MYCBP2: variants seen among roughly 807,000 people sequenced by gnomAD.
The protein encoded by MYCBP2 is E3 ubiquitin-protein ligase MYCBP2.
A neutral mutation model predicts 525.3 loss-of-function variants in MYCBP2; 120 were observed. That is an observed-to-expected ratio of 0.23 (90% CI 0.20 to 0.27). MYCBP2 has a LOEUF of 0.27. MYCBP2 is among the 10% of genes least tolerant of loss of function. The pLI is 1.00. For synonymous variants in MYCBP2, 1,894 were observed against 1,955.8 expected (o/e 0.97, Z 0.83); for missense variants, 4,149 against 5,657.1 (o/e 0.73, Z 8.55).
chr13:77,072,536 A>G (rs550272613), intron 68 of MYCBP2, among the ~76,000 whole-genome samples: 1 of 152,272 alleles, frequency 6.6e-6, no homozygotes, highest in East Asian at 1.9e-4. Flanking sequence ...AGGCAAACAT[A>G]GGGAAAGAAA....
chr13:77,214,776 T>C (rs2064567970), intron 21 of MYCBP2, among the ~76,000 whole-genome samples: 1 of 152,196 alleles, frequency 6.6e-6, no homozygotes, highest in African/African-American at 2.4e-5. Flanking sequence ...GCTGGTGTAC[T>C]GAATACTGTA....
chr13:77,198,883 C>A (rs1718471036), intron 26 of MYCBP2, among the ~76,000 whole-genome samples: 1 of 152,190 alleles, frequency 6.6e-6, no homozygotes, highest in South Asian at 2.1e-4. Flanking sequence ...ACTGGTATTG[C>A]TAGGCCACCA....
At chr13:77,231,194 T>C (rs1167902248) in intron 18 of MYCBP2, among the ~76,000 whole-genome samples, 3 of 152,192 alleles carry the variant, frequency 2.0e-5, no homozygotes, top group South Asian at 4.1e-4. Context: ...TATTACAAAG[T>C]AGGTCCTTAC....
intron 2 of MYCBP2, among the ~76,000 whole-genome samples, chr13:77,294,131 C>CATATATATATATATATATATATATATAT: frequency 4.7e-4 from 31 of 65,700 alleles, no homozygotes; most frequent in Non-Finnish European, 8.1e-4. Flanking sequence ...TATATATATA[C>CATATATATATATATATATATATATATAT]ATATATATAT....
intron 79 of MYCBP2, among the ~76,000 whole-genome samples, chr13:77,056,102 GTGTGTGTGTGTGTGTGTGT>G (rs2037940806): frequency 3.7e-4 from 19 of 50,972 alleles, no homozygotes; most frequent in Non-Finnish European, 2.5e-4. Context: ...TGTGTTTGGT[GTGTGTGTGTGTGTGTGTGT>G]GTGTGTGTGT....
Position 77,326,311 on chromosome 13 carries a change from T to C in MYCBP2, c.302+163A>G, listed in dbSNP as rs1594941632. Among the ~76,000 whole-genome samples the C allele has an allele frequency of 6.7e-6, 1 of 148,152 alleles. No individual in the cohort carries two copies. Among genetic ancestry groups the C allele is most frequent in the South Asian group, 2.2e-4 (1 of 4,650 alleles). On this transcript the variant is annotated intron_variant, in intron 1 of 82. Coordinates refer to ENST00000544440, the MANE Select transcript of MYCBP2 (RefSeq NM_015057.5). The surrounding 1 kb of genome is among the most constrained non-coding windows in gnomAD (Gnocchi z 4.2). Reference sequence around the variant, plus strand: ...AGAAACTGCAGCCACCGCACCCTCCTATCTCGATAAGTGCTCCTGCCAACA... The same window carrying C: ...AGAAACTGCAGCCACCGCACCCTCCCATCTCGATAAGTGCTCCTGCCAACA...
In MYCBP2 at chr13:77,045,373, G is replaced by A. The variant is rs377274684; in HGVS notation, c.*5C>T. 79 of 1,603,970 alleles carry A rather than the reference G, an allele frequency of 4.9e-5. No individual in the cohort carries two copies. Among genetic ancestry groups the A allele is most frequent in the Non-Finnish European group, 6.2e-5 (73 of 1,172,080 alleles). On this transcript the variant is annotated 3_prime_UTR_variant, in exon 83 of 83. Coordinates refer to ENST00000544440, the MANE Select transcript of MYCBP2 (RefSeq NM_015057.5). ...TTCTCTCTGTAGACAAAGGATCTGC[G>A]TGTTCTAAAAAGTGTGGGCATTTCT...
chr13:77,156,220 CAAAT>C lies in MYCBP2; in HGVS notation c.6771-22_6771-19del, dbSNP rs1566739131. On this transcript the variant is annotated intron_variant, in intron 45 of 82. Coordinates refer to ENST00000544440, the MANE Select transcript of MYCBP2 (RefSeq NM_015057.5). Reference sequence around the variant, plus strand: ...GAAGCCACCTAACAGTAATGAAAAACAAATAAACAAAACCCCAAACACTGATCAG... The same window carrying C: ...GAAGCCACCTAACAGTAATGAAAAACAAACAAAACCCCAAACACTGATCAG... 2.5e-6 allele frequency: 4 copies of C among 1,604,188 alleles called. No homozygotes were observed. The Admixed American group carries it at 6.8e-5, about 27-fold the overall frequency.
intron 61 of MYCBP2, 80 bp from the exon 62 acceptor site, chr13:77,087,713 G>C (rs1190365161): frequency 8.5e-7 from 1 of 1,175,486 alleles, no homozygotes; most frequent in Non-Finnish European, 1.2e-6. Flanking sequence ...TACCTCCATG[G>C]ATTAAGACTT....
At chr13:77,199,161 T>A (rs1273794035) in intron 26 of MYCBP2, among the ~76,000 whole-genome samples, 2 of 152,106 alleles carry the variant, frequency 1.3e-5, no homozygotes, top group East Asian at 3.9e-4. Flanking sequence ...TGCCAGACAG[T>A]GGGAGCAGGA....
intron 55 of MYCBP2, chr13:77,118,257 T>C: frequency 1.6e-6 from 1 of 621,886 alleles, no homozygotes; most frequent in Non-Finnish European, 2.9e-6. Context: ...TCAGGTGAGT[T>C]GATAACTAAT....
At chr13:77,264,825 C>A (rs1465847380) in intron 8 of MYCBP2, among the ~76,000 whole-genome samples, 1 of 151,898 alleles carries the variant, frequency 6.6e-6, no homozygotes, top group African/African-American at 2.4e-5. Context: ...AGGATAAATT[C>A]TGTCCTTTTG....
chr13:77,261,973 T>G, intron 11 of MYCBP2, 80 bp downstream of exon 11: 11 of 1,100,800 alleles, frequency 1.0e-5, no homozygotes, highest in Non-Finnish European at 1.3e-5. Context: ...ACATGCAAAC[T>G]ATATAAACTA....
chr13:77,098,582 C>T lies in MYCBP2; in HGVS notation c.8572G>A (p.Val2858Ile), dbSNP rs759727612. The change falls in exon 56 of 83, where the codon GTT becomes ATT. Residue 2858 changes from valine to isoleucine, a missense_variant. Transcript: ENST00000544440. ...CGAGGAGGATCAAGCTTTGTCTTAA[C>T]AGGAGCAGTACTTTTTTGAGGTAGA... ...KNLPQKSTAP[V>I]KTKLDPPRER... The T allele has an allele frequency of 2.5e-6, 4 of 1,613,664 alleles. No individual in the cohort carries two copies. The highest frequency in any genetic ancestry group is 2.2e-5 in the South Asian group (2 of 91,066).
chr13:77,218,725 T>C (rs988474113), intron 20 of MYCBP2, among the ~76,000 whole-genome samples: 15 of 152,222 alleles, frequency 9.9e-5, no homozygotes, highest in Non-Finnish European at 1.8e-4. Flanking sequence ...ACTATTATGA[T>C]AAATGACATC....
At chr13:77,261,059 T>C (rs2073183040) in intron 12 of MYCBP2, 112 bp downstream of exon 12, 2 of 753,020 alleles carry the variant, frequency 2.7e-6, no homozygotes, top group East Asian at 5.5e-5. Flanking sequence ...GATATATATA[T>C]AAAGTTGGTG....
chr13:77,257,835 G>C lies in MYCBP2; in HGVS notation c.2018-6C>G. On this transcript the variant is annotated splice_region_variant and splice_polypyrimidine_tract_variant and intron_variant, in intron 13 of 82. Transcript: ENST00000544440. ...CTTCAAATCAGTTACCAAACCTATA[G>C]GAAAGAAACAAATTTAGTAAAAACA... 6.3e-7 allele frequency: 1 copy of C among 1,595,700 alleles called. No individual in the cohort carries two copies. Among genetic ancestry groups the C allele is most frequent in the Non-Finnish European group, 8.5e-7 (1 of 1,174,924 alleles).
intron 17 of MYCBP2, among the ~76,000 whole-genome samples, chr13:77,242,347 C>G (rs1310258757): frequency 2.0e-5 from 3 of 152,186 alleles, no homozygotes; most frequent in Admixed American, 6.5e-5. Flanking sequence ...ATCTCTTGAT[C>G]TTGTGATCTG....
intron 68 of MYCBP2, among the ~76,000 whole-genome samples, chr13:77,075,363 T>C (rs1374824108): frequency 6.6e-6 from 1 of 152,210 alleles, no homozygotes; most frequent in Non-Finnish European, 1.5e-5. Flanking sequence ...TTAAAAATCA[T>C]GTTATTTCAT....
Sources: gnomAD v4.1 joint callset for allele counts (sites outside exome capture counted in the v4.1 genomes callset) on GRCh38, gnomAD v4.1.1 for gene constraint, Gnocchi (gnomAD v3.1) non-coding constraint, MANE v1.5 for transcripts, NCBI Gene and HGNC (gene_info 2026-07-23, HGNC 2026-07-21) for gene names.